Variants in CNTNAP5 observed in about 807,000 individuals in gnomAD.
CNTNAP5 encodes the protein contactin-associated protein-like 5.
CNTNAP5 carries 72 observed loss-of-function variants against 150.2 expected under a neutral mutation model. That is an observed-to-expected ratio of 0.48 (90% CI 0.40 to 0.58). CNTNAP5 has a LOEUF of 0.58. CNTNAP5 is among the 20% of genes least tolerant of loss of function. The pLI is 0.00. For synonymous variants in CNTNAP5, 672 were observed against 619.8 expected (o/e 1.08, Z -1.25); for missense variants, 1,636 against 1,626.2 (o/e 1.01, Z -0.10).
At position 124,252,646 on chromosome 2, in the gene CNTNAP5, A is replaced by T. The variant is rs551857490; in HGVS notation, c.381+10253A>T. On this transcript the variant is annotated intron_variant, in intron 3 of 23. Transcript: ENST00000682447. ...TCTTCTTGAAATACATTTGTCATTT[A>T]TTGAATAATTTCTGAAACAATTAAA... Among the ~76,000 whole-genome samples, 13 of 152,294 alleles carry T rather than the reference A, an allele frequency of 8.5e-5. 1 individual carries two copies. In the South Asian group the frequency reaches 2.7e-3, roughly 32 times the overall value.
chr2:124,875,540 A>G (rs1677836387), intron 21 of CNTNAP5, among the ~76,000 whole-genome samples: 1 of 152,112 alleles, frequency 6.6e-6, no homozygotes, highest in Non-Finnish European at 1.5e-5. Flanking sequence ...AAATGAGGAT[A>G]GTAATACTTA....
intron 10 of CNTNAP5, among the ~76,000 whole-genome samples, chr2:124,560,434 G>A (rs752367651): frequency 6.6e-5 from 10 of 150,762 alleles, no homozygotes; most frequent in Non-Finnish European, 1.3e-4. Context: ...CAGGAGAATC[G>A]CTGGAACCCA....
chr2:124,461,317 C>A (rs572782846), intron 6 of CNTNAP5, among the ~76,000 whole-genome samples: 2 of 151,978 alleles, frequency 1.3e-5, no homozygotes, highest in African/African-American at 4.8e-5. Flanking sequence ...GAAAATGTGG[C>A]ACATATACAC....
At chr2:124,320,208 C>T (rs1005754700) in intron 3 of CNTNAP5, among the ~76,000 whole-genome samples, 5 of 152,188 alleles carry the variant, frequency 3.3e-5, no homozygotes, top group Admixed American at 3.3e-4. Context: ...GATTTCTACA[C>T]TGTTAAGCAT....
intron 7 of CNTNAP5, among the ~76,000 whole-genome samples, chr2:124,489,831 A>C (rs1198002525): frequency 6.6e-6 from 1 of 152,104 alleles, no homozygotes; most frequent in Non-Finnish European, 1.5e-5. Context: ...GGCAAAGGGG[A>C]TATTCCTCCC....
intron 21 of CNTNAP5, among the ~76,000 whole-genome samples, chr2:124,892,815 C>G (rs1168471485): frequency 2.0e-5 from 3 of 152,084 alleles, no homozygotes; most frequent in Admixed American, 1.3e-4. Flanking sequence ...CAAAATGCCT[C>G]CTATACAGAA....
intron 3 of CNTNAP5, among the ~76,000 whole-genome samples, chr2:124,306,334 A>G (rs1688689783): frequency 6.6e-6 from 1 of 152,122 alleles, no homozygotes; most frequent in African/African-American, 2.4e-5. Context: ...TTCCACCTGG[A>G]AGTGAGTTAG....
Position 124,275,937 on chromosome 2 carries a change from C to T in CNTNAP5, c.381+33544C>T, listed in dbSNP as rs561285876. Among the ~76,000 whole-genome samples the T allele has an allele frequency of 1.7e-4, 26 of 152,250 alleles. No individual in the cohort carries two copies. In the South Asian group the frequency reaches 3.5e-3, roughly 21 times the overall value. On this transcript the variant is annotated intron_variant, in intron 3 of 23. Coordinates refer to ENST00000682447, the MANE Select transcript of CNTNAP5 (RefSeq NM_001367498.1). ...GGATTCCTCATGTGACTTTTAGTTG[C>T]CCTGCCAAGTTTGCTGCCAATGGAA...
chr2:124,843,056 C>T (rs1362791441), intron 19 of CNTNAP5, among the ~76,000 whole-genome samples: 2 of 151,944 alleles, frequency 1.3e-5, no homozygotes, highest in Admixed American at 6.6e-5. Context: ...CCTCACTATG[C>T]CCCCACCCTT....
intron 11 of CNTNAP5, among the ~76,000 whole-genome samples, chr2:124,608,557 G>A (rs1372549339): frequency 6.6e-6 from 1 of 152,032 alleles, no homozygotes; most frequent in African/African-American, 2.4e-5. Context: ...ACACGTATTA[G>A]GAACTCAGTA....
At chr2:124,297,815 TA>T (rs72212741) in intron 3 of CNTNAP5, among the ~76,000 whole-genome samples, 5,990 of 77,976 alleles carry the variant, frequency 0.077, 149 homozygotes, top group African/African-American at 0.13. Flanking sequence ...AATTATTTAT[TA>T]TTATTATTAT....
In CNTNAP5 at chr2:124,824,962, C is replaced by A. The variant is rs537210584; in HGVS notation, c.3217+26642C>A. ...AGTTGACATTCATATTCTTTTCAGT[C>A]CACCCTTTTATTCCTCCTAAAAACG... is the stretch of plus-strand genomic sequence containing the variant. On this transcript the variant is annotated intron_variant, in intron 19 of 23. Coordinates refer to ENST00000682447, the MANE Select transcript of CNTNAP5 (RefSeq NM_001367498.1). 2.0e-5 allele frequency among the ~76,000 whole-genome samples: 3 copies of A among 152,264 alleles called. No homozygotes were observed. The South Asian group carries it at 6.2e-4, about 32-fold the overall frequency.
At chr2:124,478,222 T>C (rs1208767132) in intron 7 of CNTNAP5, among the ~76,000 whole-genome samples, 1 of 152,156 alleles carries the variant, frequency 6.6e-6, no homozygotes, top group African/African-American at 2.4e-5. Flanking sequence ...TATCTAAAAC[T>C]TTGCTAAGTG....
intron 19 of CNTNAP5, among the ~76,000 whole-genome samples, chr2:124,819,079 G>A (rs1446284665): frequency 6.6e-6 from 1 of 152,036 alleles, no homozygotes; most frequent in Non-Finnish European, 1.5e-5. Context: ...GGCTTATAGA[G>A]ACCATGCCAT....
intron 3 of CNTNAP5, among the ~76,000 whole-genome samples, chr2:124,383,707 C>T (rs1414967383): frequency 6.6e-6 from 1 of 152,176 alleles, no homozygotes; most frequent in Non-Finnish European, 1.5e-5. Flanking sequence ...ATGCAAAGTG[C>T]CTTACTAGCA....
chr2:124,085,965 A>G (rs1682678105), intron 1 of CNTNAP5, among the ~76,000 whole-genome samples: 2 of 152,152 alleles, frequency 1.3e-5, no homozygotes, highest in African/African-American at 4.8e-5. Context: ...AAGAATGTAC[A>G]TTTGGCTGCG....
Position 124,457,253 on chromosome 2 carries a change from G to C in CNTNAP5, c.918+10316G>C, listed in dbSNP as rs1050611913. On this transcript the variant is annotated intron_variant, in intron 6 of 23. Coordinates refer to ENST00000682447, the MANE Select transcript of CNTNAP5 (RefSeq NM_001367498.1). ...ACATTGGCTTAGGCAAAGACTTCAT[G>C]ACCAAGAACCCAAAAGAAAATGTAA... 2.0e-5 allele frequency among the ~76,000 whole-genome samples: 3 copies of C among 152,164 alleles called. No homozygotes were observed. In the South Asian group the frequency reaches 6.2e-4, roughly 32 times the overall value.
chr2:124,779,522 C>G (rs1338693268), intron 17 of CNTNAP5, among the ~76,000 whole-genome samples: 1 of 152,178 alleles, frequency 6.6e-6, no homozygotes, highest in Non-Finnish European at 1.5e-5. Flanking sequence ...TGTGCATGCT[C>G]ACACACATAC....
At chr2:124,428,075 G>C (rs897570258) in intron 4 of CNTNAP5, among the ~76,000 whole-genome samples, 1 of 152,124 alleles carries the variant, frequency 6.6e-6, no homozygotes, top group Non-Finnish European at 1.5e-5. Flanking sequence ...TCCTAGATGG[G>C]ACCCTGCACT....
Sources: gnomAD v4.1 joint callset for allele counts (sites outside exome capture counted in the v4.1 genomes callset) on GRCh38, gnomAD v4.1.1 for gene constraint, MANE v1.5 for transcripts, NCBI Gene and HGNC (gene_info 2026-07-23, HGNC 2026-07-21) for gene names.